LONRF2: variants seen among roughly 807,000 people sequenced by gnomAD.
The protein encoded by LONRF2 is LON peptidase N-terminal domain and RING finger protein 2.
LONRF2 carries 35 observed loss-of-function variants against 66.6 expected under a neutral mutation model. That is an observed-to-expected ratio of 0.53 (90% confidence interval 0.40 to 0.70). The LOEUF is 0.70. LONRF2 is among the 30% of genes least tolerant of loss of function. The pLI is 0.00. For synonymous variants in LONRF2, 417 were observed against 418.1 expected, an observed-to-expected ratio of 1.00 and a Z score of 0.03; for missense variants, 902 against 1,002.1, an observed-to-expected ratio of 0.90 and a Z score of 1.35.
intron 7 of LONRF2, among the ~76,000 whole-genome samples, chr2:100,297,446 C>A (rs543709080): frequency 6.6e-6 from 1 of 152,296 alleles, no homozygotes; most frequent in East Asian, 1.9e-4. Flanking sequence ...CAAGCAGCTT[C>A]TATTCTAGTG....
Position 100,299,756 on chromosome 2 carries a change from C to A in LONRF2, c.1228G>T (p.Ala410Ser), listed in dbSNP as rs770174470. The A allele has an allele frequency of 2.5e-6, 4 of 1,614,080 alleles. No individual in the cohort carries two copies. The highest frequency in any genetic ancestry group is 3.4e-6 in the Non-Finnish European group (4 of 1,180,006). ...TTTCCAGGGGCGTTCAGGTCAGGTG[C>A]ATCCTCCACGTCATCCGGAAACTGT... is the stretch of plus-strand genomic sequence containing the variant. Reference protein sequence around the residue: ...KRQFPDDVEDAPDLNAPGKIP... With the variant: ...KRQFPDDVEDSPDLNAPGKIP... The change falls in exon 5 of 12, where the codon GCA becomes TCA. Residue 410 changes from alanine (A) to serine (S), a missense_variant. Around this residue, in one of 2 missense-constraint regions of LONRF2, gnomAD observed 585 missense variants for 569.9 expected, o/e 1.03. Transcript: ENST00000393437.
intron 8 of LONRF2, 107 bp from the exon 9 acceptor site, chr2:100,294,494 A>T: frequency 1.0e-6 from 1 of 983,186 alleles, no homozygotes; most frequent in African/African-American, 1.7e-5. Flanking sequence ...TCTCCCCTCT[A>T]CAAAACAAAA....
chr2:100,289,241 C>T (rs1674907800), intron 10 of LONRF2, among the ~76,000 whole-genome samples: 1 of 152,176 alleles, frequency 6.6e-6, no homozygotes, highest in Admixed American at 6.5e-5. Flanking sequence ...TTGTCTATGG[C>T]TGCTTTTGCA....
rs1395805214 is a variant in LONRF2 at position 100,275,839 on chromosome 2, A to C, written c.*8459T>G. 6.6e-6 allele frequency: 1 copy of C among 152,234 alleles called. No homozygotes were observed. Among genetic ancestry groups the C allele is most frequent in the East Asian group, 1.9e-4 (1 of 5,192 alleles). The allele number at this position is 152,234 out of a possible 1,614,324, so 9.4% of individuals were successfully genotyped here. On this transcript the variant is annotated 3_prime_UTR_variant, in exon 12 of 12. Coordinates refer to ENST00000393437, the MANE Select transcript of LONRF2 (RefSeq NM_198461.4). ...ATTGCCACAAAATCAGAAAAAAAGG[A>C]AAAAGCGAGAAAAAGCCTAGGTACA...
In LONRF2 at chr2:100,284,378, T is replaced by C. The variant is rs1674801482; in HGVS notation, c.2185A>G (p.Ile729Val). 6.3e-7 allele frequency: 1 copy of C among 1,599,548 alleles called. No individual in the cohort carries two copies. Among genetic ancestry groups the C allele is most frequent in the South Asian group, 1.1e-5 (1 of 88,066 alleles). The change falls in exon 12 of 12, where the codon ATC (isoleucine) becomes GTC (valine). Residue 729 changes from isoleucine to valine, a missense_variant. Physicochemically the swap from Ile to Val is conservative, Grantham distance 29. Around this residue, in one of 2 missense-constraint regions of LONRF2, gnomAD observed 317 missense variants for 432.2 expected, o/e 0.73. Transcript: ENST00000393437. ...MTSLKERLLA[I>V]RRILVIITRK... ...GTGATGATGACTAATATCCGTCGGA[T>C]GGCAAGGAGCCGCTCTTTGAGCGAG...
At chr2:100,301,167 CA>C (rs2105726136) in intron 3 of LONRF2, among the ~76,000 whole-genome samples, 1 of 152,258 alleles carries the variant, frequency 6.6e-6, no homozygotes, top group Admixed American at 6.5e-5. Context: ...GGGCTGAGGT[CA>C]CTATACAGAA....
intron 4 of LONRF2, among the ~76,000 whole-genome samples, chr2:100,300,179 A>C (rs972856156): frequency 6.6e-6 from 1 of 151,602 alleles, no homozygotes; most frequent in Non-Finnish European, 1.5e-5. Context: ...ATCTATCTAC[A>C]CACACACACA....
In LONRF2 at chr2:100,322,071, G is replaced by A; in HGVS notation, c.23C>T (p.Pro8Leu). The A allele has an allele frequency of 7.7e-7, 1 of 1,303,398 alleles. No homozygotes were observed. Among genetic ancestry groups the A allele is most frequent in the Non-Finnish European group, 9.7e-7 (1 of 1,027,278 alleles). The allele number at this position is 1,303,398 out of a possible 1,614,324, so 80.7% of individuals were successfully genotyped here. MSPEPVPPPPPPQCPGCD... is the reference protein window; with the variant it reads MSPEPVPLPPPPQCPGCD... ...GCCAGGACACTGGGGCGGCGGCGGC[G>A]GCGGGACCGGCTCGGGGCTCATCAC... is the stretch of plus-strand genomic sequence containing the variant. The change falls in exon 1 of 12, where the codon CCG becomes CTG. Residue 8 changes from proline (P) to leucine (L), a missense_variant. Physicochemically the swap from Pro to Leu is moderately conservative, Grantham distance 98 (BLOSUM62 -3). Around this residue, in one of 2 missense-constraint regions of LONRF2, gnomAD observed 585 missense variants for 569.9 expected, o/e 1.03. Transcript: ENST00000393437.
intron 1 of LONRF2, among the ~76,000 whole-genome samples, chr2:100,313,443 C>T (rs538600863): frequency 9.9e-5 from 15 of 152,156 alleles, no homozygotes; most frequent in African/African-American, 3.6e-4. Context: ...TGCAGTGAGC[C>T]AAGACTGTCC....
rs192225848 is a variant in LONRF2, at chr2:100,321,779, G to A, written c.315C>T (p.Ala105=). 269,947 of 1,042,430 alleles carry A rather than the reference G, an allele frequency of 0.26. 37,219 individuals carry two copies. Among genetic ancestry groups the A allele is most frequent in the East Asian group, 0.71 (7,963 of 11,190 alleles). The allele number at this position is 1,042,430 out of a possible 1,614,324, so 64.6% of individuals were successfully genotyped here. ...LEELAGGLVR[A]VGLRDRPLSA... ...ACAGCGGCCGGTCGCGCAGGCCCAC[G>A]GCGCGCACCAGGCCGCCCGCCAGCT... is the stretch of plus-strand genomic sequence containing the variant. The change falls in exon 1 of 12, where the codon GCC becomes GCT. Residue 105 remains alanine (A), a synonymous_variant. Coordinates refer to ENST00000393437, the MANE Select transcript of LONRF2 (RefSeq NM_198461.4).
At position 100,279,322 on chromosome 2, in the gene LONRF2, ACC is replaced by A. The variant is rs11302132; in HGVS notation, c.*4974_*4975del. The A allele has an allele frequency of 0.017, 2,455 of 142,170 alleles. 30 individuals carry two copies. Among genetic ancestry groups the A allele is most frequent in the Middle Eastern group, 0.037 (10 of 270 alleles). The allele number at this position is 142,170 out of a possible 1,614,324, so 8.8% of individuals were successfully genotyped here. A position where few individuals can be genotyped will look rare whatever the true frequency, so the allele number is the denominator to read the frequency against. On this transcript the variant is annotated 3_prime_UTR_variant, in exon 12 of 12. Transcript: ENST00000393437. Reference sequence around the variant, plus strand: ...ACAACTGCACCAAGAAATGTTAGAGACCCCCCCCCCGCAAACTGCAGAACTAC... The same window carrying A: ...ACAACTGCACCAAGAAATGTTAGAGACCCCCCCCGCAAACTGCAGAACTAC...
chr2:100,318,286 T>C (rs543067313), intron 1 of LONRF2, among the ~76,000 whole-genome samples: 3 of 152,250 alleles, frequency 2.0e-5, no homozygotes, highest in Non-Finnish European at 4.4e-5. Context: ...ATTTCCAGGA[T>C]ACCCACTTGG....
rs1674601177 is a variant in LONRF2, at chr2:100,276,389, T to C, written c.*7909A>G. 1 of 152,152 alleles carries C rather than the reference T, an allele frequency of 6.6e-6. No homozygotes were observed. Among genetic ancestry groups the C allele is most frequent in the African/African-American group, 2.4e-5 (1 of 41,430 alleles). The allele number at this position is 152,152 out of a possible 1,614,324, so 9.4% of individuals were successfully genotyped here. ...CACTTTAACTGTAGCCTGTCTAAATTTCCTGTGGTCATAGTACCCAACGCC... is the reference window on the plus strand; with the variant it reads ...CACTTTAACTGTAGCCTGTCTAAATCTCCTGTGGTCATAGTACCCAACGCC... On this transcript the variant is annotated 3_prime_UTR_variant, in exon 12 of 12. Transcript: ENST00000393437.
chr2:100,299,421 G>A (rs1675133905), intron 5 of LONRF2, 102 bp from the exon 6 acceptor site: 1 of 686,918 alleles, frequency 1.5e-6, no homozygotes, highest in Non-Finnish European at 2.4e-6. Context: ...TTGTATCAAT[G>A]TAACAAATCA....
intron 1 of LONRF2, among the ~76,000 whole-genome samples, 185 bp downstream of exon 1, chr2:100,321,230 C>T (rs1035074109): frequency 6.6e-6 from 1 of 152,204 alleles, no homozygotes; most frequent in African/African-American, 2.4e-5. Flanking sequence ...TGCACTTGGC[C>T]TCTCCTGGCT....
intron 1 of LONRF2, among the ~76,000 whole-genome samples, chr2:100,319,293 A>C (rs1235910253): frequency 6.6e-6 from 1 of 152,206 alleles, no homozygotes; most frequent in Non-Finnish European, 1.5e-5. Flanking sequence ...AAATGAATAC[A>C]TTCTATATAA....
rs1317902602 is a variant in LONRF2 at position 100,273,362 on chromosome 2, CA to C, written c.*10935del. On this transcript the variant is annotated 3_prime_UTR_variant, in exon 12 of 12. Transcript: ENST00000393437. ...GATGTGTTAGTACATCCCTACGACA[CA>C]AACACAAAGGCCTAGGCACTGATTT... 1 of 152,344 alleles carries C rather than the reference CA, an allele frequency of 6.6e-6. No individual in the cohort carries two copies. Among genetic ancestry groups the C allele is most frequent in the Admixed American group, 6.5e-5 (1 of 15,310 alleles). The allele number at this position is 152,344 out of a possible 1,614,324, so 9.4% of individuals were successfully genotyped here. A position where few individuals can be genotyped will look rare whatever the true frequency, so the allele number is the denominator to read the frequency against.
intron 1 of LONRF2, among the ~76,000 whole-genome samples, chr2:100,310,850 T>A (rs950083469): frequency 6.6e-6 from 1 of 152,328 alleles, no homozygotes; most frequent in East Asian, 1.9e-4. Context: ...AGATTTCTTA[T>A]TGACGCAATT....
chr2:100,307,408 TAA>T (rs771165127), intron 2 of LONRF2, among the ~76,000 whole-genome samples: 21 of 152,208 alleles, frequency 1.4e-4, no homozygotes, highest in Admixed American at 7.2e-4. Flanking sequence ...CTGTAGAAAT[TAA>T]GTCTATCTTT....
Sources: allele counts gnomAD v4.1 joint callset (sites outside exome capture counted in the v4.1 genomes callset), GRCh38; gene constraint gnomAD v4.1.1; regional missense constraint gnomAD v4.1.1; transcripts MANE v1.5; gene names NCBI Gene and HGNC (gene_info 2026-07-23, HGNC 2026-07-21).